COG6: variants seen among roughly 807,000 people sequenced by gnomAD.
The protein encoded by COG6 is conserved oligomeric Golgi complex subunit 6.
In COG6, 74 loss-of-function variants were observed where a neutral mutation model predicts 88.8. That is an observed-to-expected ratio of 0.83 (90% confidence interval 0.69 to 1.01). COG6 has a LOEUF of 1.01. COG6 is among the 50% of genes least tolerant of loss of function. The probability of loss-of-function intolerance (pLI) is 0.00; values close to 1 mark genes in which losing one functional copy is unlikely to be tolerated. For synonymous variants in COG6, 286 were observed against 278.7 expected, an observed-to-expected ratio of 1.03 and a Z score of -0.26; for missense variants, 800 against 797.9, an observed-to-expected ratio of 1.00 and a Z score of -0.03.
intron 13 of COG6, among the ~76,000 whole-genome samples, chr13:39,707,898 A>T (rs1256167693): frequency 1.3e-5 from 2 of 152,140 alleles, no homozygotes; most frequent in Non-Finnish European, 2.9e-5. Flanking sequence ...TTTCTCTTGT[A>T]TGTATGCCCA....
chr13:39,680,485 A>G (rs1033347833), intron 7 of COG6, among the ~76,000 whole-genome samples: 1 of 152,256 alleles, frequency 6.6e-6, no homozygotes, highest in African/African-American at 2.4e-5. Flanking sequence ...AGTGGCTTAA[A>G]ACAACACATA....
At chr13:39,755,508 A>G (rs945618993), downstream of COG6, among the ~76,000 whole-genome samples, 2 of 152,222 alleles carry the variant, frequency 1.3e-5, no homozygotes, top group African/African-American at 4.8e-5. Flanking sequence ...AAGTTGGAGC[A>G]AACAATAAAC....
At chr13:39,686,494 C>T (rs1054465735) in intron 8 of COG6, among the ~76,000 whole-genome samples, 3 of 152,122 alleles carry the variant, frequency 2.0e-5, no homozygotes, top group Non-Finnish European at 4.4e-5. Context: ...CTTTCCATGC[C>T]TTTTCAATTA....
At position 39,750,947 on chromosome 13, in the gene COG6, G is replaced by A. The variant is rs1196782101; in HGVS notation, c.1828G>A (p.Glu610Lys). 4 of 1,612,220 alleles carry A rather than the reference G, an allele frequency of 2.5e-6. No individual in the cohort carries two copies. The highest frequency in any genetic ancestry group is 1.1e-5 in the South Asian group (1 of 91,038). The change falls in exon 19 of 19, where the codon GAG becomes AAG. Residue 610 changes from glutamate to lysine, a missense_variant and splice_region_variant. Glu to Lys is a moderately conservative substitution (Grantham distance 56). Coordinates refer to ENST00000455146, the MANE Select transcript of COG6 (RefSeq NM_020751.3). ...TACATTTTGTTTGCTTATCAATAGA[G>A]AGCAGATCGTAAAACAATCTACAGA... ...LNFLLSATVKEQIVKQSTELV... is the reference protein window; with the variant it reads ...LNFLLSATVKKQIVKQSTELV...
chr13:39,760,169 A>G (rs1438963541), intron 18 of COG6, among the ~76,000 whole-genome samples: 1 of 152,178 alleles, frequency 6.6e-6, no homozygotes, highest in African/African-American at 2.4e-5. Context: ...CTGTTTTGAG[A>G]TTGCCCCGAG....
chr13:39,788,104 A>T (rs958605694), intron 18 of COG6, among the ~76,000 whole-genome samples: 1 of 152,228 alleles, frequency 6.6e-6, no homozygotes, highest in East Asian at 1.9e-4. Context: ...TGCCATGCTT[A>T]GAGCTTTTCC....
intron 18 of COG6, among the ~76,000 whole-genome samples, chr13:39,743,281 C>T (rs1277534656): frequency 6.6e-6 from 1 of 151,906 alleles, no homozygotes; most frequent in Non-Finnish European, 1.5e-5. Flanking sequence ...CATAGAGACA[C>T]AAAAAACCCT....
chr13:39,706,374 C>T (rs964537533), intron 13 of COG6, among the ~76,000 whole-genome samples: 20 of 147,986 alleles, frequency 1.4e-4, no homozygotes, highest in Admixed American at 6.1e-4. Flanking sequence ...AGCAAATGGG[C>T]GAAGGGCCTT....
chr13:39,785,479 A>G (rs141205076), intron 18 of COG6: 2 of 152,156 alleles, frequency 1.3e-5, no homozygotes, highest in African/African-American at 4.8e-5. Flanking sequence ...AATGTTAATA[A>G]ATTCTGATAA....
intron 18 of COG6, among the ~76,000 whole-genome samples, chr13:39,764,333 T>A (rs1593480436): frequency 6.6e-6 from 1 of 151,722 alleles, no homozygotes; most frequent in East Asian, 1.9e-4. Context: ...GTTGATTTTT[T>A]TTTTATTGTA....
intron 17 of COG6, 123 bp from the exon 18 acceptor site, chr13:39,727,346 A>G (rs190705221): frequency 4.0e-6 from 3 of 758,320 alleles, no homozygotes; most frequent in African/African-American, 1.7e-5. Context: ...GAACACAACA[A>G]TCTAGTTATT....
chr13:39,768,990 A>G lies in COG6; in HGVS notation c.1827-19345A>G, dbSNP rs190936267. ...GCATATTAAGGTAAAATTATTCTGT[A>G]GGTAGCCTTCTGTAATGTTTTTTCC... On this transcript the variant is annotated intron_variant, in intron 18 of 18. Transcript: ENST00000416691. Among the ~76,000 whole-genome samples, 340 of 152,168 alleles carry G rather than the reference A, an allele frequency of 2.2e-3. 2 individuals are homozygous for G. The highest frequency in any genetic ancestry group is 5.4e-3 in the South Asian group (26 of 4,818).
intron 18 of COG6, among the ~76,000 whole-genome samples, chr13:39,734,717 T>C (rs1879641268): frequency 6.6e-6 from 1 of 152,218 alleles, no homozygotes; most frequent in African/African-American, 2.4e-5. Context: ...CCAGCTATTA[T>C]TGTTTTGGAG....
At chr13:39,729,177 C>G (rs1879301394) in intron 18 of COG6, among the ~76,000 whole-genome samples, 1 of 152,182 alleles carries the variant, frequency 6.6e-6, no homozygotes, top group Admixed American at 6.5e-5. Context: ...GGGTCCCCAA[C>G]CCCGGGCCAG....
chr13:39,679,283 A>C, intron 5 of COG6: 1 of 451,978 alleles, frequency 2.2e-6, no homozygotes, highest in South Asian at 2.7e-5. Context: ...TGTCTTTATA[A>C]ATTTTATTTT....
chr13:39,751,816 G>A lies in COG6; in HGVS notation c.*723G>A. ...GTGGGAGCCTTCGATGGAACTCAAG[G>A]TGGAGCTCAGCCTTTCCAATGAGCT... is the stretch of plus-strand genomic sequence containing the variant. On this transcript the variant is annotated 3_prime_UTR_variant, in exon 19 of 19. Coordinates refer to ENST00000455146, the MANE Select transcript of COG6 (RefSeq NM_020751.3). 1 of 1,287,200 alleles carries A rather than the reference G, an allele frequency of 7.8e-7. No homozygotes were observed. The highest frequency in any genetic ancestry group is 1.0e-6 in the Non-Finnish European group (1 of 988,686). 79.7% of individuals were successfully genotyped at this position (1,287,200 alleles called of 1,614,324 possible). A position where few individuals can be genotyped will look rare whatever the true frequency, so the allele number is the denominator to read the frequency against.
chr13:39,786,311 G>A (rs1881771489), intron 18 of COG6, among the ~76,000 whole-genome samples: 2 of 152,162 alleles, frequency 1.3e-5, no homozygotes, highest in South Asian at 4.1e-4. Context: ...GAAGGAATGG[G>A]GAGGCAGATA....
In COG6 at chr13:39,751,684, A is replaced by G. The variant is rs1045763741; in HGVS notation, c.*591A>G. On this transcript the variant is annotated 3_prime_UTR_variant, in exon 19 of 19. Coordinates refer to ENST00000455146, the MANE Select transcript of COG6 (RefSeq NM_020751.3). Reference sequence around the variant, plus strand: ...CCTTTCTGTTCTACTTTAGCATACTATATATATTTGACTGTGTACATTCTT... The same window carrying G: ...CCTTTCTGTTCTACTTTAGCATACTGTATATATTTGACTGTGTACATTCTT... The G allele has an allele frequency of 1.5e-4, 196 of 1,286,632 alleles. No homozygotes were observed. Among genetic ancestry groups the G allele is most frequent in the Non-Finnish European group, 1.9e-4 (187 of 988,336 alleles). 79.7% of individuals were successfully genotyped at this position (1,286,632 alleles called of 1,614,324 possible).
intron 18 of COG6, among the ~76,000 whole-genome samples, chr13:39,758,813 A>T (rs1880925692): frequency 6.6e-6 from 1 of 152,230 alleles, no homozygotes; most frequent in Non-Finnish European, 1.5e-5. Flanking sequence ...TGAAAATTAG[A>T]AATAACTGAA....
Sources: allele counts gnomAD v4.1 joint callset (sites outside exome capture counted in the v4.1 genomes callset), GRCh38; gene constraint gnomAD v4.1.1; transcripts MANE v1.5; gene names NCBI Gene and HGNC (gene_info 2026-07-23, HGNC 2026-07-21).